EPHX4: variants seen among roughly 807,000 people sequenced by gnomAD.
The protein encoded by EPHX4 is abhydrolase domain containing 7.
EPHX4 carries 31 observed loss-of-function variants against 44.9 expected under a neutral mutation model. That is an observed-to-expected ratio of 0.69 (90% CI 0.52 to 0.93). EPHX4 has a LOEUF of 0.93. Among genes scored for constraint, EPHX4 ranks in the 40% least tolerant of loss-of-function variants. EPHX4 has a pLI of 0.00. For missense variants in EPHX4, 373 were observed against 438.1 expected, an observed-to-expected ratio of 0.85 and a Z score of 1.33; for synonymous variants, 151 against 159.7, an observed-to-expected ratio of 0.95 and a Z score of 0.41.
chr1:92,052,408 T>C, intron 5 of EPHX4, 102 bp from the exon 6 acceptor site: 1 of 1,096,246 alleles, frequency 9.1e-7, no homozygotes, highest in Non-Finnish European at 1.3e-6. Context: ...AAATTAGGAG[T>C]TGTCACCACA....
At chr1:92,030,423 G>C in intron 1 of EPHX4, 113 bp downstream of exon 1, 1 of 954,106 alleles carries the variant, frequency 1.0e-6, no homozygotes, top group Non-Finnish European at 1.5e-6. Context: ...TAGTGTCCTG[G>C]CAGGAGGGGA....
At chr1:92,047,038 A>G (rs1014535221) in intron 4 of EPHX4, among the ~76,000 whole-genome samples, 2 of 152,222 alleles carry the variant, frequency 1.3e-5, no homozygotes, top group African/African-American at 4.8e-5. Context: ...AAAGCTGTGA[A>G]GCTCACAGTA....
intron 2 of EPHX4, among the ~76,000 whole-genome samples, chr1:92,041,907 G>C (rs930946154): frequency 4.6e-5 from 7 of 152,104 alleles, no homozygotes; most frequent in African/African-American, 1.7e-4. Flanking sequence ...AAATTAGCCA[G>C]GTGTGGTGGC....
At chr1:92,054,820 A>G (rs930325071) in intron 6 of EPHX4, among the ~76,000 whole-genome samples, 22 of 152,212 alleles carry the variant, frequency 1.4e-4, no homozygotes, top group African/African-American at 5.3e-4. Context: ...ATTGAAATCT[A>G]GAAGTCTATA....
intron 6 of EPHX4, among the ~76,000 whole-genome samples, chr1:92,053,349 T>C (rs1570696124): frequency 6.6e-6 from 1 of 151,968 alleles, no homozygotes; most frequent in East Asian, 1.9e-4. Flanking sequence ...GCACAGAAAG[T>C]AAGGGTAAGA....
At chr1:92,040,802 C>T (rs1028730592) in intron 2 of EPHX4, among the ~76,000 whole-genome samples, 3 of 152,074 alleles carry the variant, frequency 2.0e-5, no homozygotes, top group African/African-American at 7.2e-5. Flanking sequence ...CACTTCACAT[C>T]GCAGCCCCCC....
Position 92,063,417 on chromosome 1 carries a change from A to G in EPHX4, c.*131A>G. 1 of 639,304 alleles carries G rather than the reference A, an allele frequency of 1.6e-6. No individual in the cohort carries two copies. The highest frequency in any genetic ancestry group is 2.4e-5 in the South Asian group (1 of 40,840). The allele number at this position is 639,304 out of a possible 1,614,324, so 39.6% of individuals were successfully genotyped here. On this transcript the variant is annotated 3_prime_UTR_variant, in exon 7 of 7. Coordinates refer to ENST00000370383, the MANE Select transcript of EPHX4 (RefSeq NM_173567.5). The stretch of plus-strand genomic sequence containing the variant: ...TGCTTTATCATAAATAAATATCCTG[A>G]CAAATGGTATTGAAAAAAATCTGAG...
intron 6 of EPHX4, among the ~76,000 whole-genome samples, chr1:92,053,774 C>T (rs146419732): frequency 1.6e-4 from 25 of 152,180 alleles, no homozygotes; most frequent in African/African-American, 4.3e-4. Flanking sequence ...AGAGAGGAAA[C>T]GCTAGAACAG....
intron 4 of EPHX4, among the ~76,000 whole-genome samples, chr1:92,048,811 C>G (rs1557884682): frequency 1.3e-5 from 2 of 151,950 alleles, no homozygotes; most frequent in Non-Finnish European, 2.9e-5. Flanking sequence ...GACCTCAAGG[C>G]TGGGCTCAAG....
intron 2 of EPHX4, among the ~76,000 whole-genome samples, chr1:92,034,018 T>TTA (rs1553201608): frequency 2.7e-5 from 4 of 148,174 alleles, no homozygotes; most frequent in Admixed American, 6.8e-5. Flanking sequence ...TTTTTTTTTT[T>TTA]AATGAACATC....
intron 4 of EPHX4, among the ~76,000 whole-genome samples, chr1:92,046,495 G>A (rs377747413): frequency 1.0e-3 from 155 of 152,050 alleles, no homozygotes; most frequent in African/African-American, 3.5e-3. Context: ...ATGGAGTCTC[G>A]CTCTGTCGCC....
At chr1:92,039,303 A>G (rs1411370171) in intron 2 of EPHX4, among the ~76,000 whole-genome samples, 2 of 152,238 alleles carry the variant, frequency 1.3e-5, no homozygotes, top group African/African-American at 4.8e-5. Flanking sequence ...GGGGAATGAA[A>G]GCGACACACT....
chr1:92,041,697 A>C (rs1445272132), intron 2 of EPHX4, among the ~76,000 whole-genome samples: 2 of 152,192 alleles, frequency 1.3e-5, no homozygotes, highest in African/African-American at 2.4e-5. Flanking sequence ...AACTGTTCAT[A>C]GTACAGATTC....
At chr1:92,048,972 G>T (rs936395666) in intron 4 of EPHX4, among the ~76,000 whole-genome samples, 2 of 151,532 alleles carry the variant, frequency 1.3e-5, no homozygotes, top group African/African-American at 4.9e-5. Flanking sequence ...CACAGCACTG[G>T]GATTACAGGC....
chr1:92,048,875 G>GT (rs1229502554), intron 4 of EPHX4, among the ~76,000 whole-genome samples: 5 of 151,296 alleles, frequency 3.3e-5, no homozygotes, highest in East Asian at 3.9e-4. Context: ...TTACACCACT[G>GT]TTTTTTTTGT....
In EPHX4 at chr1:92,030,241, C is replaced by T; in HGVS notation, c.162C>T (p.Pro54=). Residue 54 remains proline, a synonymous_variant, in exon 1 of 7, where the codon CCC becomes CCT. Coordinates refer to ENST00000370383, the MANE Select transcript of EPHX4 (RefSeq NM_173567.5). ...GKGPAQTFRR[P]AREHPPACLS... is the part of the protein sequence containing the mutation. ...GGCCGGCGCAGACCTTCCGGCGGCC[C>T]GCCCGGGAGCACCCTCCCGCGTGCC... The T allele has an allele frequency of 6.2e-7, 1 of 1,603,116 alleles. No individual in the cohort carries two copies. The highest frequency in any genetic ancestry group is 8.5e-7 in the Non-Finnish European group (1 of 1,175,086).
intron 6 of EPHX4, 71 bp from the exon 7 acceptor site, chr1:92,062,984 T>G: frequency 1.5e-6 from 2 of 1,324,070 alleles, no homozygotes; most frequent in South Asian, 1.3e-5. Flanking sequence ...TATGACCTAC[T>G]GGGGCACTAT....
chr1:92,063,293 T>C lies in EPHX4; in HGVS notation c.*7T>C. The C allele has an allele frequency of 6.4e-7, 1 of 1,570,874 alleles. No homozygotes were observed. The highest frequency in any genetic ancestry group is 1.4e-5 in the African/African-American group (1 of 73,842). On this transcript the variant is annotated 3_prime_UTR_variant, in exon 7 of 7. Coordinates refer to ENST00000370383, the MANE Select transcript of EPHX4 (RefSeq NM_173567.5). ...AACAAGAAAAAAAGATTGACTTTTCTTTATCTTCTATGAAGGGTCTGTAAT... is the reference window on the plus strand; with the variant it reads ...AACAAGAAAAAAAGATTGACTTTTCCTTATCTTCTATGAAGGGTCTGTAAT...
intron 2 of EPHX4, among the ~76,000 whole-genome samples, chr1:92,033,308 A>G (rs542933301): frequency 2.0e-5 from 3 of 152,214 alleles, no homozygotes; most frequent in Admixed American, 6.5e-5. Flanking sequence ...TTTTCCTCCT[A>G]AAAAGACCTA....
Sources: allele counts gnomAD v4.1 joint callset (sites outside exome capture counted in the v4.1 genomes callset), GRCh38; gene constraint gnomAD v4.1.1; transcripts MANE v1.5; gene names NCBI Gene and HGNC (gene_info 2026-07-23, HGNC 2026-07-21).